Variants in SFMBT1 observed in about 807,000 individuals in gnomAD.
SFMBT1 encodes Scm like with four mbt domains 1.
Under a neutral mutation model 108.7 loss-of-function variants are expected in SFMBT1, and 32 were observed. That is an observed-to-expected ratio of 0.29 (90% CI 0.22 to 0.40). The LOEUF is 0.40. Ranked by LOEUF, SFMBT1 falls within the 10% of genes least tolerant of loss-of-function variation. The probability of loss-of-function intolerance (pLI) is 1.00; values close to 1 mark genes in which losing one functional copy is unlikely to be tolerated. For synonymous variants in SFMBT1, 348 were observed against 369.5 expected, an observed-to-expected ratio of 0.94 and a Z score of 0.67; for missense variants, 816 against 1,059.6, an observed-to-expected ratio of 0.77 and a Z score of 3.19.
intron 1 of SFMBT1, among the ~76,000 whole-genome samples, chr3:53,009,276 G>A (rs562484480): frequency 2.0e-5 from 3 of 151,706 alleles, no homozygotes; most frequent in Admixed American, 6.6e-5. Flanking sequence ...GTAAAACCCC[G>A]TCTGTACTAA....
intron 1 of SFMBT1, among the ~76,000 whole-genome samples, chr3:52,973,155 T>C (rs1704407064): frequency 6.6e-6 from 1 of 152,130 alleles, no homozygotes; most frequent in African/African-American, 2.4e-5. Flanking sequence ...AGTCTGAGGT[T>C]ACCATGAGCA....
intron 3 of SFMBT1, among the ~76,000 whole-genome samples, chr3:52,944,858 C>T (rs529248592): frequency 3.3e-5 from 5 of 151,928 alleles, no homozygotes; most frequent in Non-Finnish European, 4.4e-5. Flanking sequence ...GGCTCTGTCA[C>T]CCACACTAAA....
chr3:52,987,213 A>AT (rs561203504), intron 1 of SFMBT1, among the ~76,000 whole-genome samples: 4 of 151,576 alleles, frequency 2.6e-5, no homozygotes, highest in Admixed American at 6.6e-5. Flanking sequence ...CTTACAGTTA[A>AT]TTTTTTTTTA....
At chr3:53,030,230 T>G (rs1699635452) in intron 1 of SFMBT1, among the ~76,000 whole-genome samples, 1 of 152,138 alleles carries the variant, frequency 6.6e-6, no homozygotes, top group Non-Finnish European at 1.5e-5. Flanking sequence ...AAGAGCGAAG[T>G]GCAAAACAAT....
At chr3:53,035,403 G>A (rs1342425667) in intron 1 of SFMBT1, among the ~76,000 whole-genome samples, 1 of 152,330 alleles carries the variant, frequency 6.6e-6, no homozygotes, top group East Asian at 1.9e-4. Context: ...AGGTGGGGAA[G>A]GTAGGGAGAC....
At chr3:52,986,753 T>G (rs1704932257) in intron 1 of SFMBT1, among the ~76,000 whole-genome samples, 6 of 107,044 alleles carry the variant, frequency 5.6e-5, no homozygotes, top group East Asian at 5.3e-4. Flanking sequence ...TTTAGCCTGG[T>G]GACAGAGCAA....
rs1303039895 is a variant in SFMBT1, at chr3:52,913,575, T to C, written c.1523A>G (p.Asn508Ser). The change falls in exon 15 of 21, where the codon AAC becomes AGC. Residue 508 changes from asparagine to serine, a missense_variant. Physicochemically the swap from Asn to Ser is conservative, Grantham distance 46. Around this residue, in one of 5 missense-constraint regions of SFMBT1, gnomAD observed 16 missense variants for 57.5 expected, o/e 0.28. Transcript: ENST00000394752. ...ATATGGCCCTGAGAAGCAACGGTGG[T>C]TGAAGTATATCTTTGGACAGCAATA... is the stretch of plus-strand genomic sequence containing the variant. Reference protein sequence around the residue: ...GKYCCPKIYFNHRCFSGPYLN... With the variant: ...GKYCCPKIYFSHRCFSGPYLN... 6 of 1,614,176 alleles carry C rather than the reference T, an allele frequency of 3.7e-6. No homozygotes were observed. The highest frequency in any genetic ancestry group is 5.1e-6 in the Non-Finnish European group (6 of 1,180,020).
chr3:53,001,979 G>C (rs1698573738), intron 1 of SFMBT1, among the ~76,000 whole-genome samples: 1 of 128,166 alleles, frequency 7.8e-6, no homozygotes, highest in South Asian at 2.5e-4. Flanking sequence ...ACACATAAAT[G>C]AAAGATTACT....
chr3:52,986,822 A>C (rs1195352956), intron 1 of SFMBT1, among the ~76,000 whole-genome samples: 1 of 144,760 alleles, frequency 6.9e-6, no homozygotes, highest in East Asian at 2.0e-4. Context: ...TGCCTGTAAT[A>C]CCAGCTACTC....
intron 1 of SFMBT1, among the ~76,000 whole-genome samples, chr3:53,030,331 G>T (rs1227766250): frequency 6.6e-6 from 1 of 151,908 alleles, no homozygotes; most frequent in Admixed American, 6.6e-5. Flanking sequence ...AAATACAAAA[G>T]AAACTGGGAA....
intron 1 of SFMBT1, among the ~76,000 whole-genome samples, chr3:52,996,675 T>C (rs756295766): frequency 3.3e-5 from 5 of 149,972 alleles, no homozygotes; most frequent in Non-Finnish European, 6.0e-5. Context: ...ATACGAACAA[T>C]AGGAAATTTA....
chr3:52,947,982 G>C (rs1387663516), intron 3 of SFMBT1, among the ~76,000 whole-genome samples: 1 of 152,206 alleles, frequency 6.6e-6, no homozygotes, highest in African/African-American at 2.4e-5. Flanking sequence ...CAATCCGCCT[G>C]CCTCGGCCTC....
chr3:52,916,353 AT>A, intron 13 of SFMBT1, 139 bp from the exon 14 acceptor site: 1 of 457,130 alleles, frequency 2.2e-6, no homozygotes, highest in Non-Finnish European at 3.8e-6. Flanking sequence ...TCCCTTGATG[AT>A]ACTTTTTTTT....
rs199740352 is a variant in SFMBT1, at chr3:53,028,686, T to TA, written c.-131+17129dup. Among the ~76,000 whole-genome samples the TA allele has an allele frequency of 4.8e-3, 720 of 151,366 alleles. 8 individuals carry two copies. Among genetic ancestry groups the TA allele is most frequent in the African/African-American group, 0.017 (690 of 41,268 alleles). On this transcript the variant is annotated intron_variant, in intron 1 of 20. Coordinates refer to ENST00000394752, the MANE Select transcript of SFMBT1 (RefSeq NM_016329.4). The stretch of plus-strand genomic sequence containing the variant: ...TGGGTGACATAGCAAGACCCCATCT[T>TA]AAAAAAAAATTACCTGCTAGAACAC...
intron 1 of SFMBT1, among the ~76,000 whole-genome samples, chr3:53,039,970 T>C (rs1297477251): frequency 1.3e-5 from 2 of 152,246 alleles, no homozygotes; most frequent in African/African-American, 4.8e-5. Context: ...GTGATCACCA[T>C]CTAACCACTC....
At chr3:52,969,014 T>G in intron 2 of SFMBT1, 87 bp downstream of exon 2, 1 of 1,513,324 alleles carries the variant, frequency 6.6e-7, no homozygotes, top group Non-Finnish European at 9.1e-7. Context: ...AGCTTCCAGT[T>G]CAGTGGTAGA....
intron 1 of SFMBT1, among the ~76,000 whole-genome samples, chr3:53,018,389 A>T (rs1271087065): frequency 6.6e-6 from 1 of 152,104 alleles, no homozygotes; most frequent in Non-Finnish European, 1.5e-5. Flanking sequence ...AGAGAAAGGA[A>T]AATCCCTTCC....
intron 10 of SFMBT1, among the ~76,000 whole-genome samples, chr3:52,924,519 A>AT (rs1027313396): frequency 6.6e-6 from 1 of 152,028 alleles, no homozygotes; most frequent in Non-Finnish European, 1.5e-5. Flanking sequence ...GCGGGCGCCT[A>AT]TAATTCCAGC....
chr3:53,018,549 G>A (rs1007633636), intron 1 of SFMBT1, among the ~76,000 whole-genome samples: 1 of 152,082 alleles, frequency 6.6e-6, no homozygotes, highest in Non-Finnish European at 1.5e-5. Flanking sequence ...AATAGTAAAA[G>A]AAAACCCCTT....
Sources: gnomAD v4.1 joint callset for allele counts (sites outside exome capture counted in the v4.1 genomes callset) on GRCh38, gnomAD v4.1.1 for gene constraint, gnomAD v4.1.1 regional missense constraint, MANE v1.5 for transcripts, NCBI Gene and HGNC (gene_info 2026-07-23, HGNC 2026-07-21) for gene names.